The following MSL2 variants were observed in gnomAD, a reference collection of about 807,000 sequenced individuals.
The protein encoded by MSL2 is MSL complex subunit 2, also known as E3 ubiquitin-protein ligase MSL2.
A neutral mutation model predicts 35.8 loss-of-function variants in MSL2; 2 were observed. The observed-to-expected ratio is 0.06, with a 90% CI of 0.02 to 0.18. The LOEUF is 0.18. Among genes scored for constraint, MSL2 ranks in the 10% least tolerant of loss-of-function variants. The pLI is 1.00. For synonymous variants in MSL2, 296 were observed against 255.7 expected, an observed-to-expected ratio of 1.16 and a Z score of -1.50; for missense variants, 523 against 706.7, an observed-to-expected ratio of 0.74 and a Z score of 2.95.
In MSL2 at chr3:136,150,646, A is replaced by G. The variant is rs1309006232; in HGVS notation, c.*501T>C. 6.4e-6 allele frequency: 1 copy of G among 156,970 alleles called. No individual in the cohort carries two copies. The highest frequency in any genetic ancestry group is 1.4e-5 in the Non-Finnish European group (1 of 70,378). The allele number at this position is 156,970 out of a possible 1,614,324, so 9.7% of individuals were successfully genotyped here. A position where few individuals can be genotyped will look rare whatever the true frequency, so the allele number is the denominator to read the frequency against. ...AGTAGCCAATATTTCATGATCAGAA[A>G]TGGTATGATGTCAGCACAAAGGTTG... On this transcript the variant is annotated 3_prime_UTR_variant, in exon 2 of 2. Transcript: ENST00000309993.
intron 1 of MSL2, among the ~76,000 whole-genome samples, chr3:136,191,372 G>A (rs1251301920): frequency 2.6e-5 from 4 of 151,802 alleles, no homozygotes; most frequent in African/African-American, 4.9e-5. Context: ...GGAAGCTGAG[G>A]CAGGAGAATC....
At chr3:136,184,355 C>A (rs1355451540) in intron 1 of MSL2, among the ~76,000 whole-genome samples, 4 of 151,822 alleles carry the variant, frequency 2.6e-5, no homozygotes, top group Admixed American at 2.0e-4. Flanking sequence ...AATCCCAGCA[C>A]TTTGGGAGGC....
chr3:136,180,256 C>G (rs1265442543), intron 1 of MSL2, among the ~76,000 whole-genome samples: 1 of 151,916 alleles, frequency 6.6e-6, no homozygotes, highest in African/African-American at 2.4e-5. Flanking sequence ...ACGTGATAAG[C>G]TAAAAGTGGC....
chr3:136,151,867 C>T lies in MSL2; in HGVS notation c.1014G>A (p.Leu338=), dbSNP rs1055873190. The T allele has an allele frequency of 2.5e-6, 4 of 1,614,006 alleles. No individual in the cohort carries two copies. The African/African-American group carries it at 5.3e-5, about 22-fold the overall frequency. The change falls in exon 2 of 2, where the codon TTG becomes TTA. Residue 338 remains leucine (L), a synonymous_variant. Transcript: ENST00000309993. This position sits in a 1 kb window ranked among gnomAD's most constrained non-coding sequence, Gnocchi z 5.2. ...CTAATPKIAK[L]NRKRSRSESD... ...TCTCTGATCTGGATCGTTTTCTATT[C>T]AATTTTGCTATCTTCGGAGTTGCTG...
At chr3:136,192,365 G>C (rs1382823310) in intron 1 of MSL2, among the ~76,000 whole-genome samples, 4 of 152,040 alleles carry the variant, frequency 2.6e-5, no homozygotes, top group Non-Finnish European at 5.9e-5. Context: ...TTTTAGTAGA[G>C]ATGGGGTTTC....
At position 136,195,901 on chromosome 3, in the gene MSL2, G is replaced by C. The variant is rs1940830730; in HGVS notation, c.-788C>G. On this transcript the variant is annotated 5_prime_UTR_variant, in exon 1 of 2. Coordinates refer to ENST00000309993, the MANE Select transcript of MSL2 (RefSeq NM_018133.4). ...CGGGGGGCAAGCCCGGCCGGGCCGC[G>C]GCGGCGCCCCTCGCGCCTCAGTCGC... The C allele has an allele frequency of 1.2e-6, 1 of 835,326 alleles. No individual in the cohort carries two copies. The highest frequency in any genetic ancestry group is 1.4e-6 in the Non-Finnish European group (1 of 694,704). 51.7% of individuals were successfully genotyped at this position (835,326 alleles called of 1,614,324 possible).
chr3:136,175,669 C>CA (rs139400465), intron 1 of MSL2, among the ~76,000 whole-genome samples: 22,964 of 152,108 alleles, frequency 0.15, 2,160 homozygotes, highest in East Asian at 0.27. Context: ...GCCTGCGTGA[C>CA]AGAGGCCCCA....
At chr3:136,187,598 A>C (rs1576376131) in intron 1 of MSL2, among the ~76,000 whole-genome samples, 1 of 150,268 alleles carries the variant, frequency 6.7e-6, no homozygotes, top group East Asian at 2.0e-4. Flanking sequence ...TTGAACCAGG[A>C]GATGGACGTT....
intron 1 of MSL2, among the ~76,000 whole-genome samples, chr3:136,171,107 T>C (rs1193155702): frequency 6.6e-6 from 1 of 152,220 alleles, no homozygotes; most frequent in Non-Finnish European, 1.5e-5. Flanking sequence ...CCTGGGTATG[T>C]CTCACAAACA....
At position 136,150,932 on chromosome 3, in the gene MSL2, G is replaced by C; in HGVS notation, c.*215C>G. ...CATCAGCTTTGTTCTCAAACTATGA[G>C]GTTCTGTAAGAACTAAGGACATATA... On this transcript the variant is annotated 3_prime_UTR_variant, in exon 2 of 2. Coordinates refer to ENST00000309993, the MANE Select transcript of MSL2 (RefSeq NM_018133.4). 2 of 526,500 alleles carry C rather than the reference G, an allele frequency of 3.8e-6. No homozygotes were observed. Among genetic ancestry groups the C allele is most frequent in the East Asian group, 2.9e-5 (1 of 34,172 alleles). 32.6% of individuals were successfully genotyped at this position (526,500 alleles called of 1,614,324 possible).
intron 1 of MSL2, among the ~76,000 whole-genome samples, chr3:136,188,406 C>T (rs1417619238): frequency 2.0e-5 from 3 of 150,940 alleles, no homozygotes; most frequent in African/African-American, 4.9e-5. Flanking sequence ...TGCAGTCCAG[C>T]CTGACAACAG....
intron 1 of MSL2, among the ~76,000 whole-genome samples, chr3:136,162,373 G>A (rs1157802530): frequency 3.3e-5 from 5 of 151,382 alleles, no homozygotes; most frequent in Non-Finnish European, 7.4e-5. Flanking sequence ...ACTTATCTCA[G>A]GAGTTAGAAA....
In MSL2 at chr3:136,195,816, A is replaced by G; in HGVS notation, c.-703T>C. 1.0e-6 allele frequency: 1 copy of G among 984,460 alleles called. No homozygotes were observed. Among genetic ancestry groups the G allele is most frequent in the Middle Eastern group, 5.2e-4 (1 of 1,912 alleles). 61.0% of individuals were successfully genotyped at this position (984,460 alleles called of 1,614,324 possible). On this transcript the variant is annotated 5_prime_UTR_variant, in exon 1 of 2. Transcript: ENST00000309993. The stretch of plus-strand genomic sequence containing the variant: ...GGTGGCGAGGCGGGCGGGAGTCCTC[A>G]ACCCGGAGGGGAAGGCCGGGGAGGA...
rs1451209469 is a variant in MSL2 at position 136,150,808 on chromosome 3, AC to A, written c.*338del. The A allele has an allele frequency of 4.5e-6, 1 of 220,628 alleles. No individual in the cohort carries two copies. Among genetic ancestry groups the A allele is most frequent in the Non-Finnish European group, 9.2e-6 (1 of 108,694 alleles). 13.7% of individuals were successfully genotyped at this position (220,628 alleles called of 1,614,324 possible). A position where few individuals can be genotyped will look rare whatever the true frequency, so the allele number is the denominator to read the frequency against. ...TGGACTGACTAGATACCACTTCCTT[AC>A]ATTTAATCATAAACTTTGATTATGC... On this transcript the variant is annotated 3_prime_UTR_variant, in exon 2 of 2. Coordinates refer to ENST00000309993, the MANE Select transcript of MSL2 (RefSeq NM_018133.4).
chr3:136,157,761 A>C (rs1467508665), intron 1 of MSL2, among the ~76,000 whole-genome samples: 3 of 152,236 alleles, frequency 2.0e-5, no homozygotes, highest in African/African-American at 7.2e-5. Flanking sequence ...AAATGGATAC[A>C]TTTCTCTAAA....
chr3:136,159,110 T>C (rs1251074562), intron 1 of MSL2, among the ~76,000 whole-genome samples: 2 of 152,134 alleles, frequency 1.3e-5, no homozygotes, highest in Non-Finnish European at 2.9e-5. Context: ...CTAAAATTCA[T>C]ATGGAATCAC....
intron 1 of MSL2, among the ~76,000 whole-genome samples, chr3:136,183,569 G>A (rs1348432540): frequency 3.3e-5 from 5 of 152,006 alleles, no homozygotes; most frequent in Non-Finnish European, 2.9e-5. Context: ...CTACAGGCAC[G>A]CACCAACCAT....
chr3:136,179,534 A>T (rs904573335), intron 1 of MSL2, among the ~76,000 whole-genome samples: 3 of 152,212 alleles, frequency 2.0e-5, no homozygotes, highest in African/African-American at 7.2e-5. Flanking sequence ...AGGATAAGGA[A>T]TCACTAAAAA....
intron 1 of MSL2, among the ~76,000 whole-genome samples, chr3:136,173,096 G>C (rs1461771359): frequency 6.6e-6 from 1 of 152,220 alleles, no homozygotes; most frequent in Non-Finnish European, 1.5e-5. Flanking sequence ...CCAGAAAGCA[G>C]AGGTTGCAGT....
Sources: gnomAD v4.1 joint callset for allele counts (sites outside exome capture counted in the v4.1 genomes callset) on GRCh38, gnomAD v4.1.1 for gene constraint, Gnocchi (gnomAD v3.1) non-coding constraint, MANE v1.5 for transcripts, NCBI Gene and HGNC (gene_info 2026-07-23, HGNC 2026-07-21) for gene names.